Variants in GOLGA5 observed in about 807,000 individuals in gnomAD.
GOLGA5 encodes the protein golgin A5.
Under a neutral mutation model 93.5 loss-of-function variants are expected in GOLGA5, and 50 were observed. That is an observed-to-expected ratio of 0.53 (90% CI 0.43 to 0.68). The LOEUF is 0.68. GOLGA5 is among the 30% of genes least tolerant of loss of function. The pLI, the probability that GOLGA5 is intolerant of heterozygous loss-of-function variation, is 0.00. For missense variants in GOLGA5, 760 were observed against 856.4 expected, an observed-to-expected ratio of 0.89 and a Z score of 1.40; for synonymous variants, 312 against 304.5, an observed-to-expected ratio of 1.02 and a Z score of -0.26.
chr14:92,823,048 T>C (rs1885347640), intron 8 of GOLGA5, among the ~76,000 whole-genome samples: 1 of 152,206 alleles, frequency 6.6e-6, no homozygotes, highest in South Asian at 2.1e-4. Context: ...TGTGAAATTA[T>C]AAAGAAATTT....
chr14:92,805,442 G>A lies in GOLGA5; in HGVS notation c.545-1294G>A, dbSNP rs546057481. Among the ~76,000 whole-genome samples the A allele has an allele frequency of 5.3e-5, 8 of 152,208 alleles. No individual in the cohort carries two copies. The South Asian group carries it at 1.7e-3, about 31-fold the overall frequency. On this transcript the variant is annotated intron_variant, in intron 2 of 12. Transcript: ENST00000163416. Reference sequence around the variant, plus strand: ...GTTTTGGATTATTGTGAATAAAACTGCTATAAACATTTTTGTACTTGCTTT... The same window carrying A: ...GTTTTGGATTATTGTGAATAAAACTACTATAAACATTTTTGTACTTGCTTT...
At chr14:92,814,612 G>C (rs1885166713) in intron 6 of GOLGA5, among the ~76,000 whole-genome samples, 1 of 151,948 alleles carries the variant, frequency 6.6e-6, no homozygotes. Context: ...GTTTATTATA[G>C]AAAATTTGAA....
Position 92,806,760 on chromosome 14 carries a change from G to A in GOLGA5, c.569G>A (p.Ser190Asn). The A allele has an allele frequency of 6.2e-7, 1 of 1,613,534 alleles. No individual in the cohort carries two copies. The highest frequency in any genetic ancestry group is 1.3e-5 in the African/African-American group (1 of 75,016). ...GAAGCTGCCAGTAACTCAGATTCTA[G>A]CCATGAAGGTCAAGAGGAATCTTCA... is the stretch of plus-strand genomic sequence containing the variant. ...THEAASNSDS[S>N]HEGQEESSKE... The change falls in exon 3 of 13, where the codon AGC (serine) becomes AAC (asparagine). Residue 190 changes from serine to asparagine, a missense_variant. By Grantham distance (46) the Ser-to-Asn change is conservative. Coordinates refer to ENST00000163416, the MANE Select transcript of GOLGA5 (RefSeq NM_005113.4).
intron 2 of GOLGA5, among the ~76,000 whole-genome samples, chr14:92,800,829 A>G (rs1002837110): frequency 9.9e-5 from 15 of 152,254 alleles, no homozygotes; most frequent in African/African-American, 3.1e-4. Context: ...TAAAGAAAGC[A>G]GCTTGCATTT....
intron 2 of GOLGA5, among the ~76,000 whole-genome samples, chr14:92,803,923 T>G (rs142482427): frequency 3.2e-3 from 486 of 152,316 alleles, no homozygotes; most frequent in Middle Eastern, 0.014. Context: ...TTTCAGTATC[T>G]TGTACATTTT....
In GOLGA5 at chr14:92,797,799, A is replaced by T. The variant is rs772578887; in HGVS notation, c.362A>T (p.Glu121Val). Residue 121 changes from glutamate (E) to valine (V), a missense_variant, in exon 2 of 13, where the codon GAG becomes GTG. Glu to Val is a moderately radical substitution (Grantham distance 121). Transcript: ENST00000163416. ...VRRKKSEPDD[E>V]LLFDFLNSSQ... is the part of the protein sequence containing the mutation. ...AGAAAAAAGTCAGAACCTGATGATG[A>T]GCTGCTGTTTGATTTTCTTAATAGT... The T allele has an allele frequency of 3.1e-6, 5 of 1,613,896 alleles. No homozygotes were observed. Among genetic ancestry groups the T allele is most frequent in the Non-Finnish European group, 4.2e-6 (5 of 1,179,922 alleles).
At chr14:92,809,119 A>G (rs1885051822) in intron 3 of GOLGA5, among the ~76,000 whole-genome samples, 181 bp from the exon 4 acceptor site, 1 of 152,184 alleles carries the variant, frequency 6.6e-6, no homozygotes, top group South Asian at 2.1e-4. Flanking sequence ...ACTATAATCT[A>G]GCTGTGAATA....
intron 8 of GOLGA5, among the ~76,000 whole-genome samples, chr14:92,820,647 A>G (rs532017523): frequency 9.9e-5 from 15 of 152,232 alleles, no homozygotes; most frequent in Non-Finnish European, 1.5e-4. Flanking sequence ...ACCTTGGACA[A>G]TACCCGGCTT....
In GOLGA5 at chr14:92,795,525, G is replaced by C. The variant is rs1884707483; in HGVS notation, c.-31+1069G>C. ...TTTGCTTTAAAAAAAGGATATTGCT[G>C]TTTACCACATAACGTGGCTGTGAAA... On this transcript the variant is annotated intron_variant, in intron 1 of 12. Transcript: ENST00000163416. Among the ~76,000 whole-genome samples, 3 of 152,130 alleles carry C rather than the reference G, an allele frequency of 2.0e-5. No individual in the cohort carries two copies. In the South Asian group the frequency reaches 6.2e-4, roughly 31 times the overall value.
intron 8 of GOLGA5, 35 bp downstream of exon 8, chr14:92,819,871 G>A (rs753243550): frequency 6.2e-7 from 1 of 1,607,856 alleles, no homozygotes. Flanking sequence ...CTGAGACTCT[G>A]TCCTCTAGCG....
rs1409988853 is a variant in GOLGA5, at chr14:92,816,435, T to C, written c.1491+14T>C. ...TCCGAATTACAGGTAAGATTCATGG[T>C]GGTTCAGCTTAGTAGACACCATTTA... On this transcript the variant is annotated intron_variant, in intron 7 of 12. Coordinates refer to ENST00000163416, the MANE Select transcript of GOLGA5 (RefSeq NM_005113.4). The C allele has an allele frequency of 6.2e-7, 1 of 1,611,522 alleles. No individual in the cohort carries two copies. Among genetic ancestry groups the C allele is most frequent in the Non-Finnish European group, 8.5e-7 (1 of 1,178,000 alleles).
At position 92,806,726 on chromosome 14, in the gene GOLGA5, T is replaced by G; in HGVS notation, c.545-10T>G. On this transcript the variant is annotated splice_polypyrimidine_tract_variant and intron_variant, in intron 2 of 12. Coordinates refer to ENST00000163416, the MANE Select transcript of GOLGA5 (RefSeq NM_005113.4). ...GCCAATGTAACAAAAACGTATTCTT[T>G]TTTTTACAGAAGCTGCCAGTAACTC... The G allele has an allele frequency of 1.3e-6, 2 of 1,595,254 alleles. No individual in the cohort carries two copies. The highest frequency in any genetic ancestry group is 2.2e-5 in the South Asian group (2 of 90,638).
chr14:92,821,795 A>T (rs1566958228), intron 8 of GOLGA5, among the ~76,000 whole-genome samples: 1 of 152,194 alleles, frequency 6.6e-6, no homozygotes, highest in East Asian at 1.9e-4. Context: ...GGTATGTCAT[A>T]GGCAGTTTTA....
In GOLGA5 at chr14:92,819,777, A is replaced by G. The variant is rs530201893; in HGVS notation, c.1561A>G (p.Ile521Val). The G allele has an allele frequency of 3.0e-5, 48 of 1,614,008 alleles. No homozygotes were observed. In the South Asian group the frequency reaches 4.9e-4, roughly 17 times the overall value. ...REQLQDLHDQIAGQKASKQEL... is the reference protein window; with the variant it reads ...REQLQDLHDQVAGQKASKQEL... ...ACAGTTACAGGATCTGCATGACCAA[A>G]TAGCTGGGCAGAAAGCATCCAAACA... The change falls in exon 8 of 13, where the codon ATA becomes GTA. Residue 521 changes from isoleucine (I) to valine (V), a missense_variant. Physicochemically the swap from Ile to Val is conservative, Grantham distance 29. Transcript: ENST00000163416.
chr14:92,795,353 G>C (rs1465714708), intron 1 of GOLGA5, among the ~76,000 whole-genome samples: 1 of 152,214 alleles, frequency 6.6e-6, no homozygotes, highest in African/African-American at 2.4e-5. Context: ...AGATTTAAAG[G>C]ATGAGTTTCT....
chr14:92,796,193 G>A (rs1011177182), intron 1 of GOLGA5, among the ~76,000 whole-genome samples: 4 of 152,188 alleles, frequency 2.6e-5, no homozygotes, highest in Non-Finnish European at 2.9e-5. Context: ...TAACGGAAAC[G>A]TTTTTTCAAG....
At chr14:92,823,028 T>A (rs1885347293) in intron 8 of GOLGA5, among the ~76,000 whole-genome samples, 1 of 152,200 alleles carries the variant, frequency 6.6e-6, no homozygotes, top group Non-Finnish European at 1.5e-5. Context: ...TCAGTCACCG[T>A]GTTCCTCTTT....
chr14:92,816,949 T>C (rs2140324691), intron 7 of GOLGA5, among the ~76,000 whole-genome samples: 1 of 152,192 alleles, frequency 6.6e-6, no homozygotes, highest in Non-Finnish European at 1.5e-5. Flanking sequence ...TTCCTTCTTT[T>C]TTTTGAGATG....
At chr14:92,827,338 A>G (rs764129347) in intron 9 of GOLGA5, among the ~76,000 whole-genome samples, 13 of 152,174 alleles carry the variant, frequency 8.5e-5, no homozygotes, top group Non-Finnish European at 1.8e-4. Flanking sequence ...AATTCTCACA[A>G]TATTTCTGAT....
Sources: allele counts gnomAD v4.1 joint callset (sites outside exome capture counted in the v4.1 genomes callset), GRCh38; gene constraint gnomAD v4.1.1; transcripts MANE v1.5; gene names NCBI Gene and HGNC (gene_info 2026-07-23, HGNC 2026-07-21).